CNBD1: variants seen among roughly 807,000 people sequenced by gnomAD.
CNBD1 encodes the protein cyclic nucleotide-binding domain-containing protein 1.
CNBD1 carries 71 observed loss-of-function variants against 54.4 expected under a neutral mutation model. The ratio of observed to expected loss-of-function variants is 1.30; its 90% CI spans 1.08 to 1.59. The LOEUF (loss-of-function observed/expected upper bound fraction) is 1.59, where lower values mean the gene tolerates loss of function less well. Among genes scored for constraint, CNBD1 ranks in the 40% most tolerant of loss-of-function variants. The probability of loss-of-function intolerance (pLI) is 0.00; values close to 1 mark genes in which losing one functional copy is unlikely to be tolerated. For synonymous variants in CNBD1, 182 were observed against 170.7 expected (o/e 1.07, Z -0.51); for missense variants, 659 against 518.0 (o/e 1.27, Z -2.64).
chr8:86,887,749 C>T, intron 2 of CNBD1, 138 bp downstream of exon 2: 1 of 586,624 alleles, frequency 1.7e-6, no homozygotes, highest in Non-Finnish European at 3.0e-6. Context: ...CAGTTGAAAA[C>T]CTGGGGGTTA....
At chr8:87,370,432 G>A (rs988394180) in intron 10 of CNBD1, among the ~76,000 whole-genome samples, 1 of 152,114 alleles carries the variant, frequency 6.6e-6, no homozygotes, top group Non-Finnish European at 1.5e-5. Context: ...ACTGGTGTGA[G>A]ATGGTATCTC....
chr8:86,895,353 C>A (rs1327341693), intron 2 of CNBD1, among the ~76,000 whole-genome samples: 1 of 151,284 alleles, frequency 6.6e-6, no homozygotes, highest in Non-Finnish European at 1.5e-5. Context: ...TGTTTTTATC[C>A]ATTCACTTAT....
intron 2 of CNBD1, among the ~76,000 whole-genome samples, chr8:87,400,049 G>A (rs1014458069): frequency 4.0e-5 from 6 of 151,790 alleles, no homozygotes; most frequent in African/African-American, 1.2e-4. Context: ...CAGTGGTCAC[G>A]GCACCAGCAA....
chr8:87,050,364 C>T, intron 4 of CNBD1, among the ~76,000 whole-genome samples: 1 of 152,138 alleles, frequency 6.6e-6, no homozygotes, highest in East Asian at 1.9e-4. Context: ...AACCTTATAT[C>T]CTCTCTTAGC....
chr8:87,397,180 A>T (rs1219721761), intron 2 of CNBD1, among the ~76,000 whole-genome samples: 1 of 151,700 alleles, frequency 6.6e-6, no homozygotes, highest in Admixed American at 6.6e-5. Flanking sequence ...GGTTATTCTT[A>T]TGCCCTATTT....
At chr8:87,098,763 C>T (rs1299433194) in intron 4 of CNBD1, among the ~76,000 whole-genome samples, 2 of 150,404 alleles carry the variant, frequency 1.3e-5, no homozygotes, top group East Asian at 1.9e-4. Flanking sequence ...CTGGGCCAGG[C>T]GCAGTGGCTC....
intron 10 of CNBD1, among the ~76,000 whole-genome samples, chr8:87,363,360 C>G (rs367650619): frequency 6.6e-6 from 1 of 152,076 alleles, no homozygotes; most frequent in African/African-American, 2.4e-5. Flanking sequence ...TGGGTACATA[C>G]CCAGTAATGG....
rs577492394 is a variant in CNBD1 at position 87,081,277 on chromosome 8, G to A, written c.432-124716G>A. The stretch of plus-strand genomic sequence containing the variant: ...TTCTTGACAAATGGGTTATTTAGAA[G>A]TGTTTAATTTTTACTTATTTGAGAA... On this transcript the variant is annotated intron_variant, in intron 4 of 10. Coordinates refer to ENST00000518476, the MANE Select transcript of CNBD1 (RefSeq NM_173538.3). Among the ~76,000 whole-genome samples, 17 of 152,018 alleles carry A rather than the reference G, an allele frequency of 1.1e-4. No individual in the cohort carries two copies. In the South Asian group the frequency reaches 3.3e-3, roughly 30 times the overall value.
intron 3 of CNBD1, among the ~76,000 whole-genome samples, chr8:86,926,284 A>T (rs140378346): frequency 0.02 from 3,058 of 152,202 alleles, 106 homozygotes; most frequent in African/African-American, 0.07. Context: ...AGGGGTGAAG[A>T]AGGGGCCCTG....
chr8:87,279,185 T>C (rs1808540596), intron 6 of CNBD1, among the ~76,000 whole-genome samples: 1 of 151,486 alleles, frequency 6.6e-6, no homozygotes, highest in Non-Finnish European at 1.5e-5. Context: ...GTATCTTCCA[T>C]GCATAATGAG....
At chr8:87,260,476 C>G (rs141824523) in intron 6 of CNBD1, among the ~76,000 whole-genome samples, 1 of 152,206 alleles carries the variant, frequency 6.6e-6, no homozygotes, top group East Asian at 1.9e-4. Flanking sequence ...CAAAATGCAC[C>G]AGATTTATTA....
chr8:87,334,719 CTTTTCTTTTTTTT>C (rs1183680202), intron 8 of CNBD1, among the ~76,000 whole-genome samples: 5 of 126,160 alleles, frequency 4.0e-5, no homozygotes, highest in Admixed American at 3.8e-4. Flanking sequence ...TTTCTTTTTT[CTTTTCTTTTTTTT>C]TTTTTAAGAT....
intron 10 of CNBD1, among the ~76,000 whole-genome samples, chr8:87,379,194 G>C (rs2130957445): frequency 6.6e-6 from 1 of 151,974 alleles, no homozygotes. Flanking sequence ...ACACTATGTT[G>C]AATAGGAGTG....
intron 8 of CNBD1, among the ~76,000 whole-genome samples, chr8:87,293,454 G>C (rs776428396): frequency 6.6e-6 from 1 of 152,098 alleles, no homozygotes; most frequent in Non-Finnish European, 1.5e-5. Flanking sequence ...TGAGGCAGGA[G>C]AATCTCTTGA....
chr8:87,402,238 C>A (rs1210553509), intron 2 of CNBD1, among the ~76,000 whole-genome samples: 1 of 151,942 alleles, frequency 6.6e-6, no homozygotes. Flanking sequence ...CAATTACCTC[C>A]CACCGGGTCC....
At chr8:87,253,362 C>T (rs1276685007) in intron 6 of CNBD1, among the ~76,000 whole-genome samples, 1 of 152,148 alleles carries the variant, frequency 6.6e-6, no homozygotes, top group African/African-American at 2.4e-5. Flanking sequence ...CTGGCATCCT[C>T]TGCAGAATTG....
intron 4 of CNBD1, among the ~76,000 whole-genome samples, chr8:87,141,994 C>G (rs1006541528): frequency 6.6e-6 from 1 of 152,140 alleles, no homozygotes; most frequent in African/African-American, 2.4e-5. Context: ...AACTGTGAAA[C>G]AGAATTCATT....
At chr8:87,350,243 C>A (rs1411706449) in intron 8 of CNBD1, among the ~76,000 whole-genome samples, 1 of 151,916 alleles carries the variant, frequency 6.6e-6, no homozygotes, top group African/African-American at 2.4e-5. Context: ...ATTTTAATAT[C>A]ATTTTCTGCT....
intron 8 of CNBD1, among the ~76,000 whole-genome samples, chr8:87,301,350 G>A (rs1324828911): frequency 1.3e-5 from 2 of 152,070 alleles, no homozygotes; most frequent in Non-Finnish European, 2.9e-5. Context: ...ATTTTATGAA[G>A]CCAGCATCAC....
Sources: gnomAD v4.1 joint callset for allele counts (sites outside exome capture counted in the v4.1 genomes callset) on GRCh38, gnomAD v4.1.1 for gene constraint, MANE v1.5 for transcripts, NCBI Gene and HGNC (gene_info 2026-07-23, HGNC 2026-07-21) for gene names.